FOXJ3: variants seen among roughly 807,000 people sequenced by gnomAD.
The protein encoded by FOXJ3 is forkhead box protein J3.
A neutral mutation model predicts 76.1 loss-of-function variants in FOXJ3; 22 were observed. The observed-to-expected ratio is 0.29, with a 90% CI of 0.21 to 0.41. The LOEUF (loss-of-function observed/expected upper bound fraction) is 0.41, where lower values mean the gene tolerates loss of function less well. Ranked by LOEUF, FOXJ3 falls within the 10% of genes least tolerant of loss-of-function variation. The pLI, the probability that FOXJ3 is intolerant of heterozygous loss-of-function variation, is 1.00. For synonymous variants in FOXJ3, 269 were observed against 261.2 expected, an observed-to-expected ratio of 1.03 and a Z score of -0.29; for missense variants, 613 against 762.1, an observed-to-expected ratio of 0.80 and a Z score of 2.30.
chr1:42,211,581 T>C (rs1236462247), intron 5 of FOXJ3, among the ~76,000 whole-genome samples: 1 of 152,000 alleles, frequency 6.6e-6, no homozygotes, highest in African/African-American at 2.4e-5. Flanking sequence ...TACCTGTGGA[T>C]ACCTCCTATC....
In FOXJ3 at chr1:42,275,911, A is replaced by T. The variant is rs145299364; in HGVS notation, c.369+2437T>A. ...GTTGCACAATTTGAATGACAACAAC[A>T]GCACAAAGAATAAATATCTATGAGT... On this transcript the variant is annotated intron_variant, in intron 3 of 12. Coordinates refer to ENST00000361346, the MANE Select transcript of FOXJ3 (RefSeq NM_014947.5). 9.0e-4 allele frequency among the ~76,000 whole-genome samples: 137 copies of T among 152,332 alleles called. 1 individual carries two copies. The highest frequency in any genetic ancestry group is 3.2e-3 in the African/African-American group (131 of 41,570).
At chr1:42,235,184 G>A (rs1235331674) in intron 4 of FOXJ3, among the ~76,000 whole-genome samples, 3 of 152,208 alleles carry the variant, frequency 2.0e-5, no homozygotes, top group Admixed American at 6.5e-5. Context: ...GGCTCCGTGG[G>A]CGTAGGACCC....
Position 42,273,471 on chromosome 1 carries a change from C to A in FOXJ3, c.369+4877G>T, listed in dbSNP as rs543586623. Among the ~76,000 whole-genome samples the A allele has an allele frequency of 2.6e-5, 4 of 152,030 alleles. No individual in the cohort carries two copies. In the East Asian group the frequency reaches 5.8e-4, roughly 22 times the overall value. On this transcript the variant is annotated intron_variant, in intron 3 of 12. Transcript: ENST00000361346. ...GACAGATCACTTGAAGTCAGGAGTTCGGAACCAGCCTGGCCAACATGGTGA... is the reference window on the plus strand; with the variant it reads ...GACAGATCACTTGAAGTCAGGAGTTAGGAACCAGCCTGGCCAACATGGTGA...
intron 2 of FOXJ3, among the ~76,000 whole-genome samples, chr1:42,280,593 C>T (rs1037618325): frequency 4.6e-5 from 7 of 151,660 alleles, no homozygotes; most frequent in Admixed American, 2.0e-4. Flanking sequence ...GAGAAAGTAC[C>T]CTAGAGATCA....
chr1:42,273,109 C>T (rs1651982649), intron 3 of FOXJ3, among the ~76,000 whole-genome samples: 1 of 152,186 alleles, frequency 6.6e-6, no homozygotes. Context: ...ACACTTTTTA[C>T]TACGTCACAT....
chr1:42,323,781 C>T, intron 1 of FOXJ3: 1 of 722,952 alleles, frequency 1.4e-6, no homozygotes, highest in Non-Finnish European at 1.7e-6. Context: ...GAAGGATTAT[C>T]TTGTGAAAGA....
intron 3 of FOXJ3, among the ~76,000 whole-genome samples, chr1:42,275,763 G>A (rs1379359415): frequency 1.3e-5 from 2 of 152,130 alleles, no homozygotes; most frequent in Non-Finnish European, 2.9e-5. Flanking sequence ...TCTCCTTAAA[G>A]AAATGGTTGA....
chr1:42,301,269 C>T (rs766003073), intron 2 of FOXJ3, among the ~76,000 whole-genome samples: 39 of 152,054 alleles, frequency 2.6e-4, no homozygotes, highest in Non-Finnish European at 3.4e-4. Context: ...CATCTTGGCT[C>T]GCCACAACCT....
chr1:42,243,177 C>T (rs2124531421), intron 4 of FOXJ3, among the ~76,000 whole-genome samples: 1 of 152,274 alleles, frequency 6.6e-6, no homozygotes, highest in Middle Eastern at 3.4e-3. Context: ...AAAGAAAGGG[C>T]TTATGGGAGT....
chr1:42,318,690 T>A (rs560891327), intron 1 of FOXJ3, among the ~76,000 whole-genome samples: 4 of 151,978 alleles, frequency 2.6e-5, no homozygotes, highest in African/African-American at 9.7e-5. Flanking sequence ...CCCACTAACA[T>A]GGCTATAATC....
chr1:42,240,088 CA>C (rs1649012539), intron 4 of FOXJ3, among the ~76,000 whole-genome samples: 1 of 152,116 alleles, frequency 6.6e-6, no homozygotes, highest in Non-Finnish European at 1.5e-5. Flanking sequence ...AAGATTAACA[CA>C]AAACAATATA....
At chr1:42,285,983 T>C (rs1444743267) in intron 2 of FOXJ3, among the ~76,000 whole-genome samples, 1 of 152,208 alleles carries the variant, frequency 6.6e-6, no homozygotes, top group East Asian at 1.9e-4. Flanking sequence ...CCAGAGATCT[T>C]ATATTTTCCG....
At chr1:42,302,902 TA>T (rs548894969) in intron 2 of FOXJ3, among the ~76,000 whole-genome samples, 150 of 141,602 alleles carry the variant, frequency 1.1e-3, no homozygotes, top group East Asian at 4.8e-3. Flanking sequence ...CTCCCTGAAA[TA>T]AAAAAAAAAA....
chr1:42,215,961 G>A (rs1204920040), intron 5 of FOXJ3, among the ~76,000 whole-genome samples: 15 of 151,816 alleles, frequency 9.9e-5, no homozygotes, highest in African/African-American at 3.1e-4. Context: ...AGACCAGCCT[G>A]GTCAACATAG....
chr1:42,250,364 T>G (rs147774218), intron 4 of FOXJ3, among the ~76,000 whole-genome samples: 1 of 152,240 alleles, frequency 6.6e-6, no homozygotes, highest in East Asian at 1.9e-4. Flanking sequence ...CGTCATACCC[T>G]CTTAAAATAA....
rs548809972 is a variant in FOXJ3 at position 42,277,666 on chromosome 1, G to A, written c.369+682C>T. On this transcript the variant is annotated intron_variant, in intron 3 of 12. Coordinates refer to ENST00000361346, the MANE Select transcript of FOXJ3 (RefSeq NM_014947.5). Reference sequence around the variant, plus strand: ...CAAAAAATTAGCCGGGCGTAGTGGCGGGCGCCTGTAGTCCCAGCTACTTGG... The same window carrying A: ...CAAAAAATTAGCCGGGCGTAGTGGCAGGCGCCTGTAGTCCCAGCTACTTGG... Among the ~76,000 whole-genome samples, 6 of 52,260 alleles carry A rather than the reference G, an allele frequency of 1.1e-4. 3 individuals are homozygous for A. In the East Asian group the frequency reaches 3.5e-3, roughly 31 times the overall value. The allele number at this position is 52,260 out of a possible 152,430, so 34.3% of individuals were successfully genotyped here.
intron 12 of FOXJ3, among the ~76,000 whole-genome samples, chr1:42,181,467 G>A (rs769584778): frequency 7.9e-5 from 12 of 152,172 alleles, no homozygotes; most frequent in African/African-American, 1.2e-4. Context: ...AATAAAGTAG[G>A]TTCCTAAAAC....
chr1:42,274,948 T>G (rs571688441), intron 3 of FOXJ3, among the ~76,000 whole-genome samples: 2 of 148,744 alleles, frequency 1.3e-5, no homozygotes. Context: ...AAGAAGGAAA[T>G]AGATGTGCTT....
intron 10 of FOXJ3, 165 bp from the exon 11 acceptor site, chr1:42,189,093 C>A: frequency 1.6e-6 from 1 of 620,438 alleles, no homozygotes; most frequent in Admixed American, 3.2e-5. Flanking sequence ...TTATTCAAAG[C>A]CCAATTATTT....
Sources: allele counts gnomAD v4.1 joint callset (sites outside exome capture counted in the v4.1 genomes callset), GRCh38; gene constraint gnomAD v4.1.1; transcripts MANE v1.5; gene names NCBI Gene and HGNC (gene_info 2026-07-23, HGNC 2026-07-21).